The following CDKAL1 variants were observed in gnomAD, a reference collection of about 807,000 sequenced individuals.
The protein encoded by CDKAL1 is threonylcarbamoyladenosine tRNA methylthiotransferase.
In CDKAL1, 32 loss-of-function variants were observed where a neutral mutation model predicts 68.2. The ratio of observed to expected loss-of-function variants is 0.47; its 90% CI spans 0.35 to 0.63. The LOEUF is 0.63. Among genes scored for constraint, CDKAL1 ranks in the 30% least tolerant of loss-of-function variants. The probability of loss-of-function intolerance (pLI) is 0.00; values close to 1 mark genes in which losing one functional copy is unlikely to be tolerated. For synonymous variants in CDKAL1, 234 were observed against 244.3 expected, an observed-to-expected ratio of 0.96 and a Z score of 0.39; for missense variants, 606 against 696.7, an observed-to-expected ratio of 0.87 and a Z score of 1.47.
At chr6:20,580,689 A>G (rs1765106733) in intron 4 of CDKAL1, among the ~76,000 whole-genome samples, 1 of 151,928 alleles carries the variant, frequency 6.6e-6, no homozygotes, top group South Asian at 2.1e-4. Flanking sequence ...TTTCTTAGCT[A>G]TGGGTTAAAG....
At chr6:21,085,522 A>G (rs901965379) in intron 12 of CDKAL1, among the ~76,000 whole-genome samples, 9 of 152,130 alleles carry the variant, frequency 5.9e-5, no homozygotes, top group African/African-American at 1.2e-4. Flanking sequence ...TGTGAGTGGG[A>G]TGGTCGAGGT....
At chr6:21,094,920 G>T (rs536712130) in intron 12 of CDKAL1, among the ~76,000 whole-genome samples, 58 of 152,300 alleles carry the variant, frequency 3.8e-4, no homozygotes, top group African/African-American at 1.3e-3. Context: ...ATCACAATCA[G>T]GTAGTTCATT....
Position 20,563,203 on chromosome 6 carries a change from T to G in CDKAL1, c.286+14498T>G, listed in dbSNP as rs182722845. On this transcript the variant is annotated intron_variant, in intron 4 of 15. Coordinates refer to ENST00000274695, the MANE Select transcript of CDKAL1 (RefSeq NM_017774.3). ...CAAGTGAATCAAAGATAAAGATAGA[T>G]CATTGAGAATATTTTTTTTCTCTCC... Among the ~76,000 whole-genome samples, 147 of 152,346 alleles carry G rather than the reference T, an allele frequency of 9.6e-4. 2 individuals are homozygous for G. The East Asian group carries it at 0.015, about 16-fold the overall frequency.
intron 6 of CDKAL1, among the ~76,000 whole-genome samples, chr6:20,742,200 C>A (rs941747060): frequency 1.3e-5 from 2 of 152,014 alleles, no homozygotes; most frequent in African/African-American, 4.8e-5. Flanking sequence ...CTTATAGATG[C>A]TGGATATTAG....
chr6:21,057,089 A>G (rs781687594), intron 11 of CDKAL1, among the ~76,000 whole-genome samples: 2 of 152,194 alleles, frequency 1.3e-5, no homozygotes, highest in Non-Finnish European at 2.9e-5. Flanking sequence ...ATAGTTTCAG[A>G]AGAAATGTAC....
chr6:20,847,232 T>C (rs1265236544), intron 9 of CDKAL1, among the ~76,000 whole-genome samples: 3 of 152,222 alleles, frequency 2.0e-5, no homozygotes, highest in Non-Finnish European at 4.4e-5. Context: ...ATAAAGGACA[T>C]TTACTGACTC....
intron 10 of CDKAL1, among the ~76,000 whole-genome samples, chr6:20,978,917 C>T (rs1765973117): frequency 6.6e-6 from 1 of 152,134 alleles, no homozygotes; most frequent in Non-Finnish European, 1.5e-5. Flanking sequence ...TGATTTGCCT[C>T]ATTATGTGAC....
intron 12 of CDKAL1, among the ~76,000 whole-genome samples, chr6:21,104,439 G>A (rs932588809): frequency 3.9e-5 from 6 of 152,064 alleles, no homozygotes; most frequent in Non-Finnish European, 7.4e-5. Context: ...TTTCTAGATC[G>A]GGGTGGTTAC....
chr6:21,168,729 C>T (rs772491693), intron 13 of CDKAL1, among the ~76,000 whole-genome samples: 6 of 152,288 alleles, frequency 3.9e-5, no homozygotes, highest in East Asian at 1.9e-4. Context: ...ACATAAATAG[C>T]AGGCTTTTAC....
chr6:20,725,795 A>G (rs981326412), intron 5 of CDKAL1, among the ~76,000 whole-genome samples: 1 of 151,458 alleles, frequency 6.6e-6, no homozygotes, highest in African/African-American at 2.4e-5. Context: ...AAAAAAAAAA[A>G]AAAAAAAAAG....
rs906864053 is a variant in CDKAL1 at position 21,016,950 on chromosome 6, C to A, written c.1055+16578C>A. 2.0e-5 allele frequency among the ~76,000 whole-genome samples: 3 copies of A among 152,258 alleles called. No homozygotes were observed. In the South Asian group the frequency reaches 6.2e-4, roughly 32 times the overall value. ...CCTTCACTTTATTGCCAGAAATTTT[C>A]TTTCTAAAATAAAAACGTTGTATTT... On this transcript the variant is annotated intron_variant, in intron 11 of 15. Transcript: ENST00000274695.
intron 5 of CDKAL1, among the ~76,000 whole-genome samples, chr6:20,697,304 G>T (rs1431056445): frequency 6.6e-6 from 1 of 152,108 alleles, no homozygotes; most frequent in Non-Finnish European, 1.5e-5. Context: ...GAAAATAATG[G>T]CTTCTTAAAG....
At chr6:20,669,599 C>T (rs73732721) in intron 5 of CDKAL1, among the ~76,000 whole-genome samples, 11,841 of 152,178 alleles carry the variant, frequency 0.078, 1,466 homozygotes, top group African/African-American at 0.26. Context: ...ACTTTCCCTC[C>T]GCGCATCTTA....
At chr6:20,941,934 C>G (rs773434330) in intron 9 of CDKAL1, among the ~76,000 whole-genome samples, 1 of 152,240 alleles carries the variant, frequency 6.6e-6, no homozygotes, top group Admixed American at 6.5e-5. Context: ...TTCTGCTTTT[C>G]CCCTTCGGCA....
intron 8 of CDKAL1, among the ~76,000 whole-genome samples, chr6:20,828,085 G>A (rs780406057): frequency 2.0e-5 from 3 of 151,976 alleles, no homozygotes; most frequent in Non-Finnish European, 4.4e-5. Context: ...TTTTAGTGTG[G>A]GAAAGATAAC....
intron 13 of CDKAL1, among the ~76,000 whole-genome samples, chr6:21,191,942 C>G (rs1323999008): frequency 7.1e-6 from 1 of 140,080 alleles, no homozygotes; most frequent in African/African-American, 2.7e-5. Context: ...GTGACCGAGT[C>G]AGAGAAAGCA....
chr6:21,046,175 G>A (rs1471612180), intron 11 of CDKAL1, among the ~76,000 whole-genome samples: 2 of 152,212 alleles, frequency 1.3e-5, no homozygotes, highest in African/African-American at 4.8e-5. Flanking sequence ...GTTCAGAGAG[G>A]CTGGTGTTAG....
intron 4 of CDKAL1, among the ~76,000 whole-genome samples, chr6:20,582,735 T>C (rs573811019): frequency 1.3e-5 from 2 of 152,336 alleles, no homozygotes; most frequent in East Asian, 1.9e-4. Flanking sequence ...TAGGCACTTA[T>C]TATAATACTT....
At chr6:20,704,700 C>T (rs542543379) in intron 5 of CDKAL1, among the ~76,000 whole-genome samples, 2 of 152,244 alleles carry the variant, frequency 1.3e-5, no homozygotes, top group South Asian at 4.2e-4. Flanking sequence ...TGGAAGAGGT[C>T]CCTAGACCAG....
Sources: allele counts gnomAD v4.1 joint callset (sites outside exome capture counted in the v4.1 genomes callset), GRCh38; gene constraint gnomAD v4.1.1; transcripts MANE v1.5; gene names NCBI Gene and HGNC (gene_info 2026-07-23, HGNC 2026-07-21).